Variants in ANKRD36B observed in about 807,000 individuals in gnomAD.
ANKRD36B encodes ankyrin repeat domain-containing protein 36B.
ANKRD36B carries 37 observed loss-of-function variants against 135.7 expected under a neutral mutation model. That is an observed-to-expected ratio of 0.27 (90% CI 0.21 to 0.36). The LOEUF (loss-of-function observed/expected upper bound fraction) is 0.36, where lower values mean the gene tolerates loss of function less well. Among genes scored for constraint, ANKRD36B ranks in the 10% least tolerant of loss-of-function variants. The probability of loss-of-function intolerance (pLI) is 1.00; values close to 1 mark genes in which losing one functional copy is unlikely to be tolerated. For synonymous variants in ANKRD36B, 179 were observed against 348.1 expected (o/e 0.51, Z 5.41); for missense variants, 549 against 1,037.1 (o/e 0.53, Z 6.46).
In ANKRD36B at chr2:97,574,265, G is replaced by T. The variant is rs1028745771; in HGVS notation, c.763+2114C>A. ...ACACTTCTCAAAAGAAGACATTTAT[G>T]CAGCCAAAAAACACATGAAAAAATG... On this transcript the variant is annotated intron_variant, in intron 6 of 43. Coordinates refer to ENST00000359901, the MANE Select transcript of ANKRD36B (RefSeq NM_001393939.1). 2.0e-5 allele frequency among the ~76,000 whole-genome samples: 3 copies of T among 152,262 alleles called. No homozygotes were observed. The East Asian group carries it at 5.8e-4, about 29-fold the overall frequency.
At chr2:97,582,196 C>T in intron 3 of ANKRD36B, among the ~76,000 whole-genome samples, 1 of 152,110 alleles carries the variant, frequency 6.6e-6, no homozygotes, top group East Asian at 1.9e-4. Context: ...TACCATGATT[C>T]ACCTTAAAAA....
Position 97,584,995 on chromosome 2 carries a change from G to A in ANKRD36B, c.399C>T (p.Ser133=), listed in dbSNP as rs1171764198. 6.2e-7 allele frequency: 1 copy of A among 1,608,826 alleles called. No individual in the cohort carries two copies. The highest frequency in any genetic ancestry group is 2.2e-5 in the East Asian group (1 of 44,840). Residue 133 remains serine (S), a synonymous_variant, in exon 3 of 44, where the codon TCC becomes TCT. Coordinates refer to ENST00000359901, the MANE Select transcript of ANKRD36B (RefSeq NM_001393939.1). ...CATGTGAAAGAAGTTTTTCTATCAT[G>A]GATGTATCTTCATTATACACAGCGT... is the stretch of plus-strand genomic sequence containing the variant. ...LHYAVYNEDT[S]MIEKLLSHGT...
Position 97,589,712 on chromosome 2 carries a change from C to A in ANKRD36B, c.-27G>T. 7 of 1,613,922 alleles carry A rather than the reference C, an allele frequency of 4.3e-6. No individual in the cohort carries two copies. The highest frequency in any genetic ancestry group is 4.2e-6 in the Non-Finnish European group (5 of 1,179,990). On this transcript the variant is annotated 5_prime_UTR_variant, in exon 1 of 44. Coordinates refer to ENST00000359901, the MANE Select transcript of ANKRD36B (RefSeq NM_001393939.1). The stretch of plus-strand genomic sequence containing the variant: ...AGGGTGGGCCACCTCTCCCGCTCGT[C>A]GTCTTCCTTAATCGTCGGCTGCAAA...
chr2:97,588,166 T>C (rs528753647), intron 1 of ANKRD36B, among the ~76,000 whole-genome samples: 1 of 152,240 alleles, frequency 6.6e-6, no homozygotes, highest in South Asian at 2.1e-4. Flanking sequence ...TTTGTGCATT[T>C]AAAATTTTTA....
chr2:97,573,784 G>C (rs2082048697), intron 6 of ANKRD36B, among the ~76,000 whole-genome samples: 1 of 152,056 alleles, frequency 6.6e-6, no homozygotes. Flanking sequence ...ACAAGCAATG[G>C]GGAAAGGATT....
rs150667466 is a variant in ANKRD36B at position 97,546,605 on chromosome 2, G to A, written c.1580-744C>T. ...TTTCTTCAAAGTAAAACTGCTACAA[G>A]CATTAGATATTAATCAGTTTTTCAT... On this transcript the variant is annotated intron_variant, in intron 22 of 43. Coordinates refer to ENST00000359901, the MANE Select transcript of ANKRD36B (RefSeq NM_001393939.1). Among the ~76,000 whole-genome samples the A allele has an allele frequency of 3.1e-3, 475 of 151,752 alleles. 24 individuals carry two copies. The East Asian group carries it at 0.079, about 25-fold the overall frequency.
rs1437584839 is a variant in ANKRD36B at position 97,516,209 on chromosome 2, A to AC, written c.2408-265_2408-264insG. On this transcript the variant is annotated intron_variant, in intron 36 of 43. Coordinates refer to ENST00000359901, the MANE Select transcript of ANKRD36B (RefSeq NM_001393939.1). ...AGGTCCTGTAAAAAAAAAAAAAAAA[A>AC]AAAAACATAGTTATGTGATTGCATA... Among the ~76,000 whole-genome samples, 78 of 63,622 alleles carry AC rather than the reference A, an allele frequency of 1.2e-3. 3 individuals are homozygous for AC. Among genetic ancestry groups the AC allele is most frequent in the African/African-American group, 3.3e-3 (72 of 21,744 alleles). 41.7% of individuals were successfully genotyped at this position (63,622 alleles called of 152,430 possible).
intron 8 of ANKRD36B, 74 bp downstream of exon 8, chr2:97,560,591 C>A: frequency 6.3e-7 from 1 of 1,578,584 alleles, no homozygotes; most frequent in East Asian, 2.2e-5. Flanking sequence ...GAACTCCCCA[C>A]TGATTTATTT....
intron 35 of ANKRD36B, among the ~76,000 whole-genome samples, chr2:97,527,855 A>G (rs2078306738): frequency 1.0e-5 from 1 of 96,656 alleles, no homozygotes; most frequent in Admixed American, 9.1e-5. Flanking sequence ...AGAGCTAACT[A>G]TCCTAAATAT....
intron 16 of ANKRD36B, among the ~76,000 whole-genome samples, chr2:97,551,723 A>G (rs1366742196): frequency 1.3e-5 from 2 of 151,988 alleles, no homozygotes; most frequent in Non-Finnish European, 2.9e-5. Flanking sequence ...GTCGAAAACT[A>G]AAATCAAAGG....
chr2:97,569,476 G>A (rs1013637046), intron 6 of ANKRD36B, among the ~76,000 whole-genome samples: 1 of 152,040 alleles, frequency 6.6e-6, no homozygotes, highest in Middle Eastern at 3.4e-3. Context: ...TCTAATGGCG[G>A]GTACATTTAT....
At chr2:97,549,711 C>G (rs1316599404) in intron 18 of ANKRD36B, 97 bp from the exon 19 acceptor site, 1 of 1,582,280 alleles carries the variant, frequency 6.3e-7, no homozygotes, top group African/African-American at 1.3e-5. Flanking sequence ...GTCCTCCTGC[C>G]TGTATTAGCG....
chr2:97,538,093 G>A, intron 32 of ANKRD36B, 75 bp downstream of exon 32: 2 of 854,138 alleles, frequency 2.3e-6, no homozygotes, highest in East Asian at 2.8e-5. Context: ...TGAGCCCCCT[G>A]CTGATCTATT....
chr2:97,531,362 C>T (rs1264974224), intron 35 of ANKRD36B, among the ~76,000 whole-genome samples: 1 of 60,298 alleles, frequency 1.7e-5, no homozygotes, highest in African/African-American at 5.1e-5. Context: ...ACAACGAGAA[C>T]ACGTGGACAC....
chr2:97,584,316 C>T (rs1178828877), intron 3 of ANKRD36B, among the ~76,000 whole-genome samples: 3 of 121,504 alleles, frequency 2.5e-5, no homozygotes, highest in African/African-American at 3.7e-5. Flanking sequence ...AAAACTGAAG[C>T]GATCTTTGTC....
At chr2:97,548,345 G>A (rs548488071) in intron 20 of ANKRD36B, among the ~76,000 whole-genome samples, 1 of 151,990 alleles carries the variant, frequency 6.6e-6, no homozygotes, top group Admixed American at 6.6e-5. Context: ...TAAGTTTCTT[G>A]TATCCACTAG....
intron 3 of ANKRD36B, 119 bp from the exon 4 acceptor site, chr2:97,580,687 G>T (rs1482326438): frequency 7.7e-6 from 7 of 906,044 alleles, no homozygotes; most frequent in Non-Finnish European, 1.1e-5. Context: ...GTAAGAGGTA[G>T]TCCCTTTCTT....
intron 22 of ANKRD36B, among the ~76,000 whole-genome samples, chr2:97,546,936 A>G (rs2079524257): frequency 6.6e-6 from 1 of 151,714 alleles, no homozygotes; most frequent in African/African-American, 2.4e-5. Context: ...TCCTGCTTCC[A>G]GTAGTTCCTG....
Position 97,551,369 on chromosome 2 carries a change from G to A in ANKRD36B, c.1303-8C>T. 1 of 1,599,542 alleles carries A rather than the reference G, an allele frequency of 6.3e-7. No homozygotes were observed. The highest frequency in any genetic ancestry group is 8.5e-7 in the Non-Finnish European group (1 of 1,175,662). ...TTTCTCATCACTTGTGGCCTGAATG[G>A]AATTTGAAACAAAATAATAAATAAG... On this transcript the variant is annotated splice_region_variant and splice_polypyrimidine_tract_variant and intron_variant, in intron 17 of 43. Coordinates refer to ENST00000359901, the MANE Select transcript of ANKRD36B (RefSeq NM_001393939.1).
Sources: allele counts gnomAD v4.1 joint callset (sites outside exome capture counted in the v4.1 genomes callset), GRCh38; gene constraint gnomAD v4.1.1; transcripts MANE v1.5; gene names NCBI Gene and HGNC (gene_info 2026-07-23, HGNC 2026-07-21).